The following ANO2 variants were observed in gnomAD, a reference collection of about 807,000 sequenced individuals.
The protein encoded by ANO2 is anoctamin 2.
ANO2 carries 101 observed loss-of-function variants against 124.2 expected under a neutral mutation model. The ratio of observed to expected loss-of-function variants is 0.81; its 90% CI spans 0.69 to 0.96. The LOEUF is 0.96. ANO2 is among the 40% of genes least tolerant of loss of function. ANO2 has a pLI of 0.00. For synonymous variants in ANO2, 486 were observed against 482.5 expected, an observed-to-expected ratio of 1.01 and a Z score of -0.09; for missense variants, 1,293 against 1,274.5, an observed-to-expected ratio of 1.01 and a Z score of -0.22.
At chr12:5,929,566 A>T (rs1222489921) in intron 1 of ANO2, among the ~76,000 whole-genome samples, 16 of 72,778 alleles carry the variant, frequency 2.2e-4, no homozygotes, top group Middle Eastern at 6.8e-3. Context: ...TTCTTTCCTC[A>T]CTCGTCTGCC....
At position 5,634,648 on chromosome 12, in the gene ANO2, T is replaced by C. The variant is rs118101884; in HGVS notation, c.1816+504A>G. 1.3e-4 allele frequency among the ~76,000 whole-genome samples: 20 copies of C among 152,318 alleles called. No individual in the cohort carries two copies. In the East Asian group the frequency reaches 3.3e-3, roughly 25 times the overall value. On this transcript the variant is annotated intron_variant, in intron 16 of 24. Transcript: ENST00000682330. The stretch of plus-strand genomic sequence containing the variant: ...AGCGTGGGAAGTCTGATATGCCTCT[T>C]TGAAGTCTACTCAGTGCCTGGGGAA...
intron 14 of ANO2, among the ~76,000 whole-genome samples, chr12:5,678,221 G>C (rs1409469424): frequency 6.6e-6 from 1 of 152,196 alleles, no homozygotes; most frequent in Non-Finnish European, 1.5e-5. Context: ...TCCTGACGCT[G>C]ATTGAGAAAG....
intron 10 of ANO2, among the ~76,000 whole-genome samples, chr12:5,782,937 T>C (rs946354943): frequency 2.0e-5 from 3 of 152,200 alleles, no homozygotes; most frequent in Admixed American, 1.3e-4. Flanking sequence ...GCCACATCTG[T>C]GTATCTTCCC....
At chr12:5,780,556 C>A (rs1952358865) in intron 10 of ANO2, among the ~76,000 whole-genome samples, 1 of 152,202 alleles carries the variant, frequency 6.6e-6, no homozygotes, top group African/African-American at 2.4e-5. Flanking sequence ...TTAACACATT[C>A]AGTCATTCCT....
At position 5,766,828 on chromosome 12, in the gene ANO2, C is replaced by T. The variant is rs532257111; in HGVS notation, c.1056-15858G>A. On this transcript the variant is annotated intron_variant, in intron 10 of 24. Coordinates refer to ENST00000682330, the MANE Select transcript of ANO2 (RefSeq NM_001364791.2). ...AGCATATGTAACACTCTGGCTCAGT[C>T]GGAGACTAAGCTGCGAGGTGAGTTC... Among the ~76,000 whole-genome samples the T allele has an allele frequency of 4.6e-5, 7 of 152,296 alleles. No individual in the cohort carries two copies. In the South Asian group the frequency reaches 8.3e-4, roughly 18 times the overall value.
intron 14 of ANO2, among the ~76,000 whole-genome samples, chr12:5,673,396 G>C (rs1229162664): frequency 6.6e-6 from 1 of 152,184 alleles, no homozygotes; most frequent in Non-Finnish European, 1.5e-5. Context: ...GCATTGGCAG[G>C]CCTCTGGGAA....
At chr12:5,624,982 A>T (rs190540360) in intron 16 of ANO2, among the ~76,000 whole-genome samples, 90 of 152,206 alleles carry the variant, frequency 5.9e-4, no homozygotes, top group African/African-American at 2.1e-3. Context: ...GAGAGCCCCA[A>T]GGCTGTGCAA....
rs769522087 is a variant in ANO2 at position 5,732,520 on chromosome 12, C to T, written c.1545G>A (p.Glu515=). The T allele has an allele frequency of 6.2e-7, 1 of 1,610,940 alleles. No homozygotes were observed. The highest frequency in any genetic ancestry group is 1.1e-5 in the South Asian group (1 of 90,434). The change falls in exon 14 of 25, where the codon GAG becomes GAA. Residue 515 remains glutamate (E), a splice_region_variant and synonymous_variant. Transcript: ENST00000682330. The part of the protein sequence containing the change: ...LETNTTECGD[E]DDEDKLTWKD... The stretch of plus-strand genomic sequence containing the variant: ...GTGAGCAGCAAGTCCAGCTTCATAC[C>T]TCATCGCCACACTCCGTCGTGTTTG...
intron 10 of ANO2, among the ~76,000 whole-genome samples, chr12:5,783,968 C>T (rs2137138165): frequency 6.6e-6 from 1 of 152,314 alleles, no homozygotes; most frequent in East Asian, 1.9e-4. Flanking sequence ...TACCAGTTTT[C>T]TACTTAAAAT....
chr12:5,754,173 T>TC (rs1862495250), intron 10 of ANO2, among the ~76,000 whole-genome samples: 1 of 152,304 alleles, frequency 6.6e-6, no homozygotes, highest in African/African-American at 2.4e-5. Context: ...TTTGTCCATT[T>TC]TTTTTCTCCA....
intron 11 of ANO2, among the ~76,000 whole-genome samples, chr12:5,744,613 C>T (rs1951211567): frequency 6.6e-6 from 1 of 152,106 alleles, no homozygotes; most frequent in Non-Finnish European, 1.5e-5. Context: ...TCATAAAGTC[C>T]CTTCAGAACA....
At chr12:5,919,828 G>A (rs1941593486) in intron 3 of ANO2, among the ~76,000 whole-genome samples, 1 of 152,142 alleles carries the variant, frequency 6.6e-6, no homozygotes, top group East Asian at 1.9e-4. Flanking sequence ...CTCCCGAGTA[G>A]CTGGGACTAC....
intron 1 of ANO2, among the ~76,000 whole-genome samples, chr12:5,937,994 C>A (rs949798598): frequency 6.6e-6 from 1 of 152,148 alleles, no homozygotes; most frequent in South Asian, 2.1e-4. Flanking sequence ...CTCCCAGTAC[C>A]GTTCGACTTC....
chr12:5,944,281 C>G (rs1156676692), intron 1 of ANO2, among the ~76,000 whole-genome samples: 8 of 152,312 alleles, frequency 5.3e-5, no homozygotes, highest in Admixed American at 2.6e-4. Flanking sequence ...CTAAGATCCT[C>G]CCTCCACCTG....
At chr12:5,721,023 C>T (rs568954425) in intron 14 of ANO2, among the ~76,000 whole-genome samples, 7 of 152,292 alleles carry the variant, frequency 4.6e-5, no homozygotes, top group South Asian at 2.1e-4. Flanking sequence ...TGTTTATGGA[C>T]GCATTCTACA....
intron 3 of ANO2, among the ~76,000 whole-genome samples, chr12:5,854,818 G>A (rs953676182): frequency 1.1e-4 from 17 of 152,120 alleles, no homozygotes; most frequent in Non-Finnish European, 1.6e-4. Flanking sequence ...GCAGTGATAA[G>A]TATTTGAAAG....
At position 5,862,698 on chromosome 12, in the gene ANO2, C is replaced by T. The variant is rs988217494; in HGVS notation, c.535-8557G>A. Among the ~76,000 whole-genome samples, 1 of 152,188 alleles carries T rather than the reference C, an allele frequency of 6.6e-6. No individual in the cohort carries two copies. Among genetic ancestry groups the T allele is most frequent in the Non-Finnish European group, 1.5e-5 (1 of 68,030 alleles). ...GCGGGAGGGACCTGGTGGGAGGTAACTGAATCATGGGGGCGGTTTCCCCCA... is the reference window on the plus strand; with the variant it reads ...GCGGGAGGGACCTGGTGGGAGGTAATTGAATCATGGGGGCGGTTTCCCCCA... On this transcript the variant is annotated intron_variant, in intron 3 of 24. Transcript: ENST00000682330. The surrounding 1 kb of genome is among the most constrained non-coding windows in gnomAD (Gnocchi z 4.0).
At chr12:5,717,564 C>A (rs1288810256) in intron 14 of ANO2, among the ~76,000 whole-genome samples, 2 of 152,208 alleles carry the variant, frequency 1.3e-5, no homozygotes, top group Non-Finnish European at 2.9e-5. Flanking sequence ...AGTAACTTAA[C>A]ATCCTGAGCT....
At chr12:5,703,232 A>G (rs1051276442) in intron 14 of ANO2, among the ~76,000 whole-genome samples, 1 of 152,238 alleles carries the variant, frequency 6.6e-6, no homozygotes, top group Admixed American at 6.5e-5. Flanking sequence ...AAAAGAGCAA[A>G]ATGCTAAATA....
Sources: gnomAD v4.1 joint callset for allele counts (sites outside exome capture counted in the v4.1 genomes callset) on GRCh38, gnomAD v4.1.1 for gene constraint, Gnocchi (gnomAD v3.1) non-coding constraint, MANE v1.5 for transcripts, NCBI Gene and HGNC (gene_info 2026-07-23, HGNC 2026-07-21) for gene names.